The following DPH6 variants were observed in gnomAD, a reference collection of about 807,000 sequenced individuals.
The protein encoded by DPH6 is diphthamine biosynthesis 6.
In DPH6, 33 loss-of-function variants were observed where a neutral mutation model predicts 38.2. That is an observed-to-expected ratio of 0.86 (90% confidence interval 0.65 to 1.15). DPH6 has a LOEUF of 1.15. DPH6 is among the 50% of genes most tolerant of loss of function. The probability of loss-of-function intolerance (pLI) is 0.00; values close to 1 mark genes in which losing one functional copy is unlikely to be tolerated. For synonymous variants in DPH6, 108 were observed against 103.0 expected, an observed-to-expected ratio of 1.05 and a Z score of -0.30; for missense variants, 325 against 320.0, an observed-to-expected ratio of 1.02 and a Z score of -0.12.
At chr15:35,530,592 A>G (rs566276178) in intron 3 of DPH6, among the ~76,000 whole-genome samples, 8 of 152,304 alleles carry the variant, frequency 5.3e-5, no homozygotes, top group Admixed American at 2.0e-4. Flanking sequence ...ACACACAATC[A>G]CTGATACCAA....
chr15:35,373,664 A>G, intron 7 of DPH6, 56 bp from the exon 8 acceptor site: 1 of 1,437,034 alleles, frequency 7.0e-7, no homozygotes, highest in South Asian at 1.2e-5. Flanking sequence ...GTGACAAATC[A>G]TTCCTCCTAC....
intron 3 of DPH6, chr15:35,298,389 A>C: frequency 1.4e-6 from 1 of 712,576 alleles, no homozygotes. Context: ...TTCTAAAAAT[A>C]TCCGTACTGC....
intron 6 of DPH6, among the ~76,000 whole-genome samples, chr15:35,402,480 A>C (rs1255017172): frequency 6.6e-6 from 1 of 152,200 alleles, no homozygotes; most frequent in Non-Finnish European, 1.5e-5. Flanking sequence ...TCTCTTGAAA[A>C]AATTTACACA....
the DPH6 span, among the ~76,000 whole-genome samples, chr15:35,199,090 T>C: frequency 6.6e-6 from 1 of 152,030 alleles, no homozygotes; most frequent in African/African-American, 2.4e-5. Flanking sequence ...CAGCTAATTT[T>C]TGTATTTTTA....
At chr15:35,330,995 A>C (rs1404241614) in exon 4 of DPH6, 1 of 152,204 alleles carries the variant, frequency 6.6e-6, no homozygotes, top group Admixed American at 6.6e-5. Context: ...TGCTTTCTCC[A>C]CTGAATGAGA....
chr15:35,341,177 C>G (rs1457112094), intron 3 of DPH6, among the ~76,000 whole-genome samples: 1 of 152,128 alleles, frequency 6.6e-6, no homozygotes, highest in Non-Finnish European at 1.5e-5. Flanking sequence ...GCTATTGATA[C>G]TTGTGATTGC....
At chr15:35,362,949 C>G (rs2052626095) in intron 3 of DPH6, among the ~76,000 whole-genome samples, 1 of 152,154 alleles carries the variant, frequency 6.6e-6, no homozygotes, top group South Asian at 2.1e-4. Context: ...TAGTATATTT[C>G]TTTCTAGCCA....
the DPH6 span, among the ~76,000 whole-genome samples, chr15:35,211,028 A>T: frequency 7.2e-6 from 1 of 139,346 alleles, no homozygotes; most frequent in Admixed American, 7.9e-5. Flanking sequence ...TTTACAAAGC[A>T]TCTGCTACTT....
intron 3 of DPH6, among the ~76,000 whole-genome samples, chr15:35,509,443 C>T (rs2054738412): frequency 6.6e-6 from 1 of 152,274 alleles, no homozygotes; most frequent in Admixed American, 6.5e-5. Context: ...CCTGAAGGAG[C>T]CTGACAGCAC....
intron 3 of DPH6, among the ~76,000 whole-genome samples, chr15:35,471,516 A>C (rs1311852842): frequency 6.6e-6 from 1 of 152,116 alleles, no homozygotes; most frequent in Non-Finnish European, 1.5e-5. Flanking sequence ...CTCCCTACCT[A>C]CCAAATAAAT....
At chr15:35,454,711 T>A in intron 4 of DPH6, 36 bp downstream of exon 4, 2 of 1,518,624 alleles carry the variant, frequency 1.3e-6, no homozygotes, top group East Asian at 4.5e-5. Context: ...TTAAAACACA[T>A]ACACTTTTAA....
intron 3 of DPH6, chr15:35,522,384 G>A (rs2054935222): frequency 8.7e-7 from 1 of 1,142,924 alleles, no homozygotes; most frequent in African/African-American, 1.6e-5. Flanking sequence ...GGCTGTCTCT[G>A]CTTATTCAGT....
chr15:35,167,994 G>C, the DPH6 span, among the ~76,000 whole-genome samples: 1 of 151,950 alleles, frequency 6.6e-6, no homozygotes, highest in African/African-American at 2.4e-5. Context: ...TCTGTTGCTG[G>C]AGATTACATG....
chr15:35,407,591 G>A (rs1030414033), intron 6 of DPH6, among the ~76,000 whole-genome samples: 1 of 151,988 alleles, frequency 6.6e-6, no homozygotes, highest in Non-Finnish European at 1.5e-5. Flanking sequence ...AATTTGCAGA[G>A]ATCTGCTTTA....
chr15:35,162,658 TATA>T, the DPH6 span, among the ~76,000 whole-genome samples: 5 of 151,910 alleles, frequency 3.3e-5, no homozygotes, highest in Middle Eastern at 3.4e-3. Flanking sequence ...TCACAGCACT[TATA>T]ATAATTTTTT....
At chr15:35,189,717 T>C in the DPH6 span, among the ~76,000 whole-genome samples, 2 of 152,192 alleles carry the variant, frequency 1.3e-5, no homozygotes, top group Non-Finnish European at 2.9e-5. Flanking sequence ...TATAGACAGA[T>C]TAATGAAAGA....
At chr15:35,468,574 G>C (rs140208909) in intron 3 of DPH6, among the ~76,000 whole-genome samples, 1 of 152,194 alleles carries the variant, frequency 6.6e-6, no homozygotes, top group East Asian at 1.9e-4. Context: ...TGGGGTGGGG[G>C]TCAAGACTAA....
intron 3 of DPH6, among the ~76,000 whole-genome samples, chr15:35,245,089 C>T (rs899157572): frequency 6.6e-6 from 1 of 151,994 alleles, no homozygotes; most frequent in African/African-American, 2.4e-5. Context: ...ATATGAACCA[C>T]ATGCCCACTC....
the DPH6 span, among the ~76,000 whole-genome samples, chr15:35,207,906 C>T: frequency 6.6e-6 from 1 of 152,144 alleles, no homozygotes; most frequent in Non-Finnish European, 1.5e-5. Flanking sequence ...TGGGAATTTG[C>T]AATACATTTA....
Sources: allele counts gnomAD v4.1 joint callset (sites outside exome capture counted in the v4.1 genomes callset), GRCh38; gene constraint gnomAD v4.1.1; transcripts MANE v1.5; gene names NCBI Gene and HGNC (gene_info 2026-07-23, HGNC 2026-07-21).